The following DLG2 variants were observed in gnomAD, a reference collection of about 807,000 sequenced individuals.
The protein encoded by DLG2 is disks large homolog 2.
Under a neutral mutation model 132.5 loss-of-function variants are expected in DLG2, and 45 were observed. The observed-to-expected ratio is 0.34, with a 90% CI of 0.27 to 0.44. The LOEUF (loss-of-function observed/expected upper bound fraction) is 0.44, where lower values mean the gene tolerates loss of function less well. DLG2 is among the 20% of genes least tolerant of loss of function. DLG2 has a pLI of 1.00. For missense variants in DLG2, 1,045 were observed against 1,196.9 expected (o/e 0.87, Z 1.87); for synonymous variants, 424 against 419.6 (o/e 1.01, Z -0.13).
intron 5 of DLG2, among the ~76,000 whole-genome samples, chr11:85,128,980 C>T (rs192407522): frequency 1.3e-5 from 2 of 152,282 alleles, no homozygotes; most frequent in Admixed American, 6.5e-5. Flanking sequence ...ATATCCTTTT[C>T]GAAGATGAAG....
At chr11:84,641,033 T>C (rs2099661841) in intron 6 of DLG2, among the ~76,000 whole-genome samples, 1 of 152,226 alleles carries the variant, frequency 6.6e-6, no homozygotes, top group Non-Finnish European at 1.5e-5. Context: ...TTTTTACTTC[T>C]GATCACTTTT....
At chr11:85,213,876 G>A (rs988963450) in intron 4 of DLG2, among the ~76,000 whole-genome samples, 2 of 152,146 alleles carry the variant, frequency 1.3e-5, no homozygotes, top group Non-Finnish European at 2.9e-5. Flanking sequence ...CCTGCCTTAA[G>A]AGGAACCTTA....
At chr11:85,527,255 T>C (rs977587956) in intron 3 of DLG2, among the ~76,000 whole-genome samples, 2 of 151,968 alleles carry the variant, frequency 1.3e-5, no homozygotes, top group Admixed American at 6.6e-5. Flanking sequence ...GATATACATA[T>C]GCTATAGTGG....
chr11:84,401,651 G>T (rs989586136), intron 7 of DLG2, among the ~76,000 whole-genome samples: 5 of 152,154 alleles, frequency 3.3e-5, no homozygotes, highest in African/African-American at 1.2e-4. Context: ...CCCAGCAAAA[G>T]AGTTATTCTG....
At chr11:84,101,713 G>A (rs1768848204) in intron 9 of DLG2, among the ~76,000 whole-genome samples, 1 of 151,990 alleles carries the variant, frequency 6.6e-6, no homozygotes, top group South Asian at 2.1e-4. Flanking sequence ...AATGTAATTT[G>A]GGTCAAGCTC....
intron 3 of DLG2, among the ~76,000 whole-genome samples, chr11:85,365,375 G>A (rs986662150): frequency 3.9e-5 from 6 of 152,282 alleles, no homozygotes; most frequent in Middle Eastern, 3.4e-3. Context: ...ACTTGCACAC[G>A]TGTAAGTCTG....
chr11:84,806,702 G>A (rs2076041038), intron 6 of DLG2, among the ~76,000 whole-genome samples: 1 of 152,058 alleles, frequency 6.6e-6, no homozygotes. Context: ...TTTCTAAACA[G>A]CAAGAAAATA....
At chr11:84,959,096 T>C (rs547600398) in intron 6 of DLG2, among the ~76,000 whole-genome samples, 1 of 152,198 alleles carries the variant, frequency 6.6e-6, no homozygotes, top group Non-Finnish European at 1.5e-5. Context: ...AAATTATATA[T>C]AGCCTGACTT....
At chr11:85,543,830 G>A (rs1005583360) in intron 3 of DLG2, among the ~76,000 whole-genome samples, 1 of 143,414 alleles carries the variant, frequency 7.0e-6, no homozygotes, top group South Asian at 2.2e-4. Context: ...TTTTTGATGG[G>A]GTTGTTTGTT....
At chr11:85,468,822 AT>A (rs1001425982) in intron 3 of DLG2, among the ~76,000 whole-genome samples, 4 of 151,770 alleles carry the variant, frequency 2.6e-5, no homozygotes, top group South Asian at 2.1e-4. Flanking sequence ...TAGATGTCTA[AT>A]TTTTTTTAAA....
intron 18 of DLG2, among the ~76,000 whole-genome samples, chr11:83,706,136 T>C (rs2083924573): frequency 2.0e-5 from 3 of 151,600 alleles, no homozygotes; most frequent in Admixed American, 6.6e-5. Context: ...GAGAATCGCT[T>C]GAACCCGGGA....
intron 7 of DLG2, among the ~76,000 whole-genome samples, chr11:84,279,759 G>A (rs1936844947): frequency 6.6e-6 from 1 of 152,168 alleles, no homozygotes; most frequent in South Asian, 2.1e-4. Flanking sequence ...GTTGAACAAT[G>A]AGAACAAATG....
chr11:84,256,832 G>C (rs1481340177), intron 7 of DLG2, among the ~76,000 whole-genome samples: 1 of 152,166 alleles, frequency 6.6e-6, no homozygotes, highest in East Asian at 1.9e-4. Flanking sequence ...GCATGTGTAT[G>C]TGTGTGATTT....
intron 7 of DLG2, among the ~76,000 whole-genome samples, chr11:84,434,201 C>A (rs967507674): frequency 3.3e-5 from 5 of 151,392 alleles, no homozygotes; most frequent in African/African-American, 1.2e-4. Flanking sequence ...AATGTAAAAT[C>A]TTTAACAACA....
chr11:84,421,828 T>C (rs1457585614), intron 7 of DLG2, among the ~76,000 whole-genome samples: 1 of 152,224 alleles, frequency 6.6e-6, no homozygotes, highest in Non-Finnish European at 1.5e-5. Flanking sequence ...TTGAGGAATC[T>C]GTGCTTTGCT....
In DLG2 at chr11:85,216,588, A is replaced by G. The variant is rs573448673; in HGVS notation, c.187-61937T>C. On this transcript the variant is annotated intron_variant, in intron 4 of 27. Coordinates refer to ENST00000376104, the MANE Select transcript of DLG2 (RefSeq NM_001142699.3). ...CTTCATCAGTTTTCATGACATTAGCATGTTTGAAAAATGGGAACAATTTGA... is the reference window on the plus strand; with the variant it reads ...CTTCATCAGTTTTCATGACATTAGCGTGTTTGAAAAATGGGAACAATTTGA... 6.6e-5 allele frequency among the ~76,000 whole-genome samples: 10 copies of G among 152,316 alleles called. 1 individual carries two copies. The highest frequency in any genetic ancestry group is 2.4e-4 in the African/African-American group (10 of 41,576).
intron 2 of DLG2, among the ~76,000 whole-genome samples, chr11:85,615,177 A>G (rs1403442913): frequency 4.6e-5 from 7 of 152,202 alleles, no homozygotes; most frequent in Admixed American, 4.6e-4. Flanking sequence ...TTAAAGGGGA[A>G]TGATAGAAAA....
At chr11:85,233,867 G>T (rs1256879759) in intron 4 of DLG2, among the ~76,000 whole-genome samples, 1 of 151,760 alleles carries the variant, frequency 6.6e-6, no homozygotes, top group Non-Finnish European at 1.5e-5. Flanking sequence ...ATGTGTTGCA[G>T]CTTCAGTATG....
chr11:85,309,381 A>G (rs189178440), intron 3 of DLG2, among the ~76,000 whole-genome samples: 28 of 151,278 alleles, frequency 1.9e-4, no homozygotes, highest in African/African-American at 4.4e-4. Context: ...AAACTGATGA[A>G]TTCCAATTTT....
Sources: gnomAD v4.1 joint callset for allele counts (sites outside exome capture counted in the v4.1 genomes callset) on GRCh38, gnomAD v4.1.1 for gene constraint, MANE v1.5 for transcripts, NCBI Gene and HGNC (gene_info 2026-07-23, HGNC 2026-07-21) for gene names.